The following PSMA5 variants were observed in gnomAD, a reference collection of about 807,000 sequenced individuals.
The protein encoded by PSMA5 is proteasome 20S subunit alpha 5.
In PSMA5, 3 loss-of-function variants were observed where a neutral mutation model predicts 34.5. The ratio of observed to expected loss-of-function variants is 0.09; its 90% CI spans 0.04 to 0.22. The LOEUF (loss-of-function observed/expected upper bound fraction) is 0.22, where lower values mean the gene tolerates loss of function less well. PSMA5 is among the 10% of genes least tolerant of loss of function. PSMA5 has a pLI of 1.00. For missense variants in PSMA5, 120 were observed against 286.1 expected (o/e 0.42, Z 4.19); for synonymous variants, 88 against 95.8 (o/e 0.92, Z 0.47).
intron 2 of PSMA5, among the ~76,000 whole-genome samples, chr1:109,420,585 T>C (rs966831318): frequency 1.1e-4 from 17 of 152,220 alleles, no homozygotes; most frequent in African/African-American, 4.1e-4. Flanking sequence ...CAAACAAATA[T>C]ATAATCAGAA....
At chr1:109,412,224 G>T in intron 4 of PSMA5, 40 bp from the exon 5 acceptor site, 4 of 1,522,124 alleles carry the variant, frequency 2.6e-6, no homozygotes, top group Non-Finnish European at 3.6e-6. Flanking sequence ...TTCTAATAAG[G>T]ACATTAAAGC....
chr1:109,411,262 A>G lies in PSMA5; in HGVS notation c.459-149T>C, dbSNP rs928429182. 6.7e-6 allele frequency: 4 copies of G among 593,302 alleles called. No homozygotes were observed. The South Asian group carries it at 9.2e-5, about 14-fold the overall frequency. The allele number at this position is 593,302 out of a possible 1,614,324, so 36.8% of individuals were successfully genotyped here. A position where few individuals can be genotyped will look rare whatever the true frequency, so the allele number is the denominator to read the frequency against. ...GAGGCACAGATCTAAAAGATGTTCT[A>G]TGTCTGGAGAAACCAGACATTTTAA... is the stretch of plus-strand genomic sequence containing the variant. On this transcript the variant is annotated intron_variant, in intron 6 of 8. Transcript: ENST00000271308.
At chr1:109,413,180 A>C in intron 3 of PSMA5, 45 bp from the exon 4 acceptor site, 2 of 1,561,442 alleles carry the variant, frequency 1.3e-6, no homozygotes, top group Non-Finnish European at 1.8e-6. Flanking sequence ...AATCCTTGTA[A>C]AACTCTTTCA....
At chr1:109,411,138 T>TA (rs1371122924) in intron 6 of PSMA5, 25 bp from the exon 7 acceptor site, 13 of 1,567,010 alleles carry the variant, frequency 8.3e-6, no homozygotes, top group Non-Finnish European at 1.1e-5. Flanking sequence ...AAATGAGGAC[T>TA]AAAATGCTCA....
In PSMA5 at chr1:109,400,373, T is replaced by C. The variant is rs1226477374; in HGVS notation, c.*1640A>G. 6.6e-6 allele frequency: 1 copy of C among 152,270 alleles called. No homozygotes were observed. The highest frequency in any genetic ancestry group is 6.5e-5 in the Admixed American group (1 of 15,288). 9.4% of individuals were successfully genotyped at this position (152,270 alleles called of 1,614,324 possible). On this transcript the variant is annotated 3_prime_UTR_variant, in exon 9 of 9. Coordinates refer to ENST00000271308, the MANE Select transcript of PSMA5 (RefSeq NM_002790.4). ...AGAAGTTTCACAGGAGCACAGATCA[T>C]ATCTACCATTTGAACAGCTCTCTGC...
At chr1:109,413,714 T>C (rs1654091249) in intron 3 of PSMA5, among the ~76,000 whole-genome samples, 1 of 152,212 alleles carries the variant, frequency 6.6e-6, no homozygotes, top group Non-Finnish European at 1.5e-5. Context: ...GTTTCAGACA[T>C]ATAAAGCCAA....
chr1:109,410,863 G>A (rs1360182183), intron 7 of PSMA5, 148 bp downstream of exon 7: 7 of 618,888 alleles, frequency 1.1e-5, no homozygotes, highest in African/African-American at 7.4e-5. Flanking sequence ...GAATGTGGAT[G>A]AGCATTTTTC....
chr1:109,411,721 G>T, intron 6 of PSMA5, 156 bp downstream of exon 6: 1 of 719,624 alleles, frequency 1.4e-6, no homozygotes, highest in Non-Finnish European at 2.3e-6. Context: ...CAACTCCCAG[G>T]CTCAAGAGAT....
At chr1:109,414,232 C>T (rs114372270) in intron 3 of PSMA5, among the ~76,000 whole-genome samples, 46 of 152,314 alleles carry the variant, frequency 3.0e-4, no homozygotes, top group Non-Finnish European at 5.3e-4. Flanking sequence ...TACCCAGACA[C>T]TTGTTTGCCT....
At position 109,399,316 on chromosome 1, in the gene PSMA5, A is replaced by G. The variant is rs1010172730; in HGVS notation, c.*2697T>C. 6.6e-6 allele frequency: 1 copy of G among 152,234 alleles called. No homozygotes were observed. The highest frequency in any genetic ancestry group is 1.5e-5 in the Non-Finnish European group (1 of 68,044). The allele number at this position is 152,234 out of a possible 1,614,324, so 9.4% of individuals were successfully genotyped here. Reference sequence around the variant, plus strand: ...TTACTGGACTGAAAAGATAAAGCTGATGAAAATTGGTGAACAATTTGTTCC... The same window carrying G: ...TTACTGGACTGAAAAGATAAAGCTGGTGAAAATTGGTGAACAATTTGTTCC... On this transcript the variant is annotated 3_prime_UTR_variant, in exon 9 of 9. Transcript: ENST00000271308.
chr1:109,407,033 A>C (rs1005152567), intron 8 of PSMA5, among the ~76,000 whole-genome samples: 1 of 152,182 alleles, frequency 6.6e-6, no homozygotes. Flanking sequence ...CCCAGGCTGG[A>C]GTGCAGTGGC....
intron 5 of PSMA5, 34 bp downstream of exon 5, chr1:109,412,040 GAAC>G (rs1460258318): frequency 6.3e-7 from 1 of 1,595,934 alleles, no homozygotes; most frequent in Non-Finnish European, 8.6e-7. Context: ...AAGTCCCATA[GAAC>G]AATAAGAAAA....
At position 109,400,781 on chromosome 1, in the gene PSMA5, G is replaced by A. The variant is rs1280403930; in HGVS notation, c.*1232C>T. On this transcript the variant is annotated 3_prime_UTR_variant, in exon 9 of 9. Coordinates refer to ENST00000271308, the MANE Select transcript of PSMA5 (RefSeq NM_002790.4). ...AATAGTCATAATTTATTAACATATA[G>A]TACAACTTCCTACACATCAATATAC... is the stretch of plus-strand genomic sequence containing the variant. 2 of 152,102 alleles carry A rather than the reference G, an allele frequency of 1.3e-5. No individual in the cohort carries two copies. The highest frequency in any genetic ancestry group is 2.9e-5 in the Non-Finnish European group (2 of 68,002). 9.4% of individuals were successfully genotyped at this position (152,102 alleles called of 1,614,324 possible).
At chr1:109,411,963 G>T in intron 5 of PSMA5, 28 bp from the exon 6 acceptor site, 1 of 1,600,042 alleles carries the variant, frequency 6.2e-7, no homozygotes, top group South Asian at 1.1e-5. Context: ...GAGATATTAA[G>T]ATAAATGGCT....
chr1:109,415,559 A>C (rs1654156917), intron 2 of PSMA5, among the ~76,000 whole-genome samples, 196 bp from the exon 3 acceptor site: 1 of 152,254 alleles, frequency 6.6e-6, no homozygotes, highest in Admixed American at 6.5e-5. Context: ...ATTGATTTAC[A>C]GAATTTTGTG....
Position 109,402,235 on chromosome 1 carries a change from G to A in PSMA5, c.649-145C>T, listed in dbSNP as rs535381157. ...GTCCCAAGGATATCCTTTCCAGGCA[G>A]CAGGTCCCTAAAATAGCTCTCTGGC... On this transcript the variant is annotated intron_variant, in intron 8 of 8. Coordinates refer to ENST00000271308, the MANE Select transcript of PSMA5 (RefSeq NM_002790.4). 9 of 532,652 alleles carry A rather than the reference G, an allele frequency of 1.7e-5. No homozygotes were observed. In the East Asian group the frequency reaches 2.5e-4, roughly 15 times the overall value. 33.0% of individuals were successfully genotyped at this position (532,652 alleles called of 1,614,324 possible). A position where few individuals can be genotyped will look rare whatever the true frequency, so the allele number is the denominator to read the frequency against.
intron 1 of PSMA5, among the ~76,000 whole-genome samples, chr1:109,422,157 T>C (rs977228888): frequency 6.6e-6 from 1 of 152,206 alleles, no homozygotes; most frequent in Non-Finnish European, 1.5e-5. Flanking sequence ...TCTTCCCAAA[T>C]TGATGAAATG....
intron 2 of PSMA5, among the ~76,000 whole-genome samples, chr1:109,415,800 C>G (rs965178516): frequency 6.6e-6 from 1 of 152,106 alleles, no homozygotes; most frequent in African/African-American, 2.4e-5. Flanking sequence ...CTGGACCTGG[C>G]CTCTTTTCAC....
rs1287432507 is a variant in PSMA5, at chr1:109,412,698, G to C, written c.291+370C>G. On this transcript the variant is annotated intron_variant, in intron 4 of 8. Coordinates refer to ENST00000271308, the MANE Select transcript of PSMA5 (RefSeq NM_002790.4). ...GTACAAGTTATTACTCACCAAAGGC[G>C]GGCTGTTATTTACAAGCCTGGCAGC... 2.1e-5 allele frequency: 4 copies of C among 187,288 alleles called. No individual in the cohort carries two copies. In the South Asian group the frequency reaches 6.0e-4, roughly 28 times the overall value. 11.6% of individuals were successfully genotyped at this position (187,288 alleles called of 1,614,324 possible).
Sources: gnomAD v4.1 joint callset for allele counts (sites outside exome capture counted in the v4.1 genomes callset) on GRCh38, gnomAD v4.1.1 for gene constraint, MANE v1.5 for transcripts, NCBI Gene and HGNC (gene_info 2026-07-23, HGNC 2026-07-21) for gene names.